The following ARHGEF28 variants were observed in gnomAD, a reference collection of about 807,000 sequenced individuals.
ARHGEF28 encodes the protein Rho guanine nucleotide exchange factor 28.
ARHGEF28 carries 152 observed loss-of-function variants against 206.6 expected under a neutral mutation model. The observed-to-expected ratio is 0.74, with a 90% CI of 0.64 to 0.84. The LOEUF (loss-of-function observed/expected upper bound fraction) is 0.84. Ranked by LOEUF, ARHGEF28 falls within the 40% of genes least tolerant of loss-of-function variation. The pLI is 0.00. For missense variants in ARHGEF28, 2,028 were observed against 2,073.2 expected (o/e 0.98, Z 0.42); for synonymous variants, 763 against 776.4 (o/e 0.98, Z 0.29).
At chr5:73,662,556 C>T (rs891830342) in intron 1 of ARHGEF28, among the ~76,000 whole-genome samples, 11 of 152,154 alleles carry the variant, frequency 7.2e-5, no homozygotes, top group Non-Finnish European at 1.3e-4. Flanking sequence ...AAACCATGTG[C>T]TGCAATGGAA....
intron 1 of ARHGEF28, chr5:73,627,360 G>A (rs1450121040): frequency 6.6e-6 from 1 of 152,222 alleles, no homozygotes; most frequent in Non-Finnish European, 1.5e-5. Context: ...GCTTTCTGAA[G>A]CGTTGTTATC....
At chr5:73,665,737 T>G (rs556543564) in intron 1 of ARHGEF28, among the ~76,000 whole-genome samples, 2 of 152,210 alleles carry the variant, frequency 1.3e-5, no homozygotes, top group Admixed American at 6.5e-5. Context: ...AATCCATTCA[T>G]GAGGGCAGAG....
intron 1 of ARHGEF28, among the ~76,000 whole-genome samples, chr5:73,642,960 T>G (rs1035537090): frequency 2.0e-5 from 3 of 152,244 alleles, no homozygotes; most frequent in African/African-American, 7.2e-5. Flanking sequence ...TTAATACATG[T>G]TGTATTCGAC....
At position 73,925,207 on chromosome 5, in the gene ARHGEF28, G is replaced by C. The variant is rs55910138; in HGVS notation, c.4948+13632G>C. 6.1e-3 allele frequency among the ~76,000 whole-genome samples: 924 copies of C among 152,244 alleles called. 7 individuals carry two copies. The highest frequency in any genetic ancestry group is 9.8e-3 in the Non-Finnish European group (665 of 68,020). On this transcript the variant is annotated intron_variant, in intron 35 of 35. Transcript: ENST00000513042. ...GCTGGAAGTCCCTCACCCTTTATGA[G>C]GCACAGGAGGCGATACGCTTGCATC... is the stretch of plus-strand genomic sequence containing the variant.
At chr5:73,636,212 T>C (rs1299979728) in intron 1 of ARHGEF28, among the ~76,000 whole-genome samples, 1 of 152,188 alleles carries the variant, frequency 6.6e-6, no homozygotes, top group African/African-American at 2.4e-5. Flanking sequence ...ACTTAGGTTG[T>C]TACAATAAAA....
chr5:73,864,089 G>A (rs911297214), intron 16 of ARHGEF28, among the ~76,000 whole-genome samples: 28 of 152,270 alleles, frequency 1.8e-4, no homozygotes, highest in African/African-American at 6.0e-4. Flanking sequence ...GTGGGATGGT[G>A]ATGTACAGGT....
At chr5:73,711,490 T>G (rs903567188) in intron 2 of ARHGEF28, among the ~76,000 whole-genome samples, 7 of 152,164 alleles carry the variant, frequency 4.6e-5, no homozygotes, top group African/African-American at 1.7e-4. Context: ...TAGGTCTTAT[T>G]TTATTTCTTT....
intron 35 of ARHGEF28, chr5:73,923,223 A>G (rs1176545910): frequency 1.4e-6 from 2 of 1,448,576 alleles, no homozygotes; most frequent in Non-Finnish European, 1.8e-6. Context: ...AACTACCTAC[A>G]TAATTTGGTT....
At chr5:73,904,749 T>A in intron 33 of ARHGEF28, 1 of 260,830 alleles carries the variant, frequency 3.8e-6, no homozygotes. Context: ...CCTAAAATTC[T>A]TTGACTTCTC....
At chr5:73,684,954 G>A (rs759940293) in intron 2 of ARHGEF28, 70 bp downstream of exon 2, 68 of 1,509,150 alleles carry the variant, frequency 4.5e-5, no homozygotes, top group Non-Finnish European at 5.6e-5. Context: ...TGACTGAAGT[G>A]GGGAGAAATG....
intron 1 of ARHGEF28, among the ~76,000 whole-genome samples, chr5:73,636,334 C>A (rs939121222): frequency 6.6e-6 from 1 of 152,144 alleles, no homozygotes; most frequent in Admixed American, 6.6e-5. Context: ...TTCAACTTTA[C>A]CAAGAACAGT....
At chr5:73,745,783 A>G (rs116677840) in intron 2 of ARHGEF28, among the ~76,000 whole-genome samples, 2,415 of 152,154 alleles carry the variant, frequency 0.016, 37 homozygotes, top group Admixed American at 0.029. Flanking sequence ...AATGATTCTG[A>G]CACTGATTCC....
intron 1 of ARHGEF28, among the ~76,000 whole-genome samples, chr5:73,656,617 C>T (rs185292385): frequency 1.8e-4 from 28 of 152,298 alleles, no homozygotes; most frequent in African/African-American, 6.5e-4. Context: ...AGCACATCCT[C>T]CTGCATCTAC....
Position 73,857,796 on chromosome 5 carries a change from A to T in ARHGEF28, c.1914+17A>T. Reference sequence around the variant, plus strand: ...AAATCAAAGGTAATTAAAGTGATTCACTTATTTTCTATAAAATATAGACAT... The same window carrying T: ...AAATCAAAGGTAATTAAAGTGATTCTCTTATTTTCTATAAAATATAGACAT... On this transcript the variant is annotated intron_variant, in intron 15 of 35. Coordinates refer to ENST00000513042, the MANE Select transcript of ARHGEF28 (RefSeq NM_001177693.2). 2 of 1,603,862 alleles carry T rather than the reference A, an allele frequency of 1.2e-6. No homozygotes were observed. Among genetic ancestry groups the T allele is most frequent in the Non-Finnish European group, 1.7e-6 (2 of 1,175,924 alleles).
At chr5:73,633,286 C>T (rs1260757010) in intron 1 of ARHGEF28, among the ~76,000 whole-genome samples, 4 of 152,120 alleles carry the variant, frequency 2.6e-5, no homozygotes, top group African/African-American at 9.7e-5. Context: ...TGGTCTTTGG[C>T]CCCAGGGGTT....
rs1387549003 is a variant in ARHGEF28, at chr5:73,911,377, C to T, written c.4750C>T (p.Pro1584Ser). ...ATTTAACACTTTCAACAAACTGAATCCATCAGTTATCCATCAGGATGCCAC... is the reference window on the plus strand; with the variant it reads ...ATTTAACACTTTCAACAAACTGAATTCATCAGTTATCCATCAGGATGCCAC... ...MSFNTFNKLN[P>S]SVIHQDATYP... The change falls in exon 35 of 36, where the codon CCA becomes TCA. Residue 1584 changes from proline to serine, a missense_variant. Pro to Ser is a moderately conservative substitution (Grantham distance 74). Transcript: ENST00000513042. The T allele has an allele frequency of 6.2e-7, 1 of 1,613,520 alleles. No individual in the cohort carries two copies. The highest frequency in any genetic ancestry group is 1.3e-5 in the African/African-American group (1 of 74,900).
intron 2 of ARHGEF28, among the ~76,000 whole-genome samples, chr5:73,707,201 G>C (rs1210399652): frequency 6.6e-6 from 1 of 152,194 alleles, no homozygotes; most frequent in African/African-American, 2.4e-5. Context: ...TATAATCAGT[G>C]TCCCCTAAGT....
chr5:73,838,553 A>T (rs1204606622), intron 10 of ARHGEF28, among the ~76,000 whole-genome samples: 2 of 152,226 alleles, frequency 1.3e-5, no homozygotes, highest in East Asian at 1.9e-4. Flanking sequence ...TAATTTCAGT[A>T]CAGAGAATCC....
intron 2 of ARHGEF28, among the ~76,000 whole-genome samples, chr5:73,725,790 G>A (rs1561359647): frequency 1.3e-5 from 2 of 152,268 alleles, no homozygotes; most frequent in South Asian, 4.1e-4. Flanking sequence ...ATTTTCTGAA[G>A]AATAGGCTCA....
Sources: gnomAD v4.1 joint callset for allele counts (sites outside exome capture counted in the v4.1 genomes callset) on GRCh38, gnomAD v4.1.1 for gene constraint, MANE v1.5 for transcripts, NCBI Gene and HGNC (gene_info 2026-07-23, HGNC 2026-07-21) for gene names.